The following COL24A1 variants were observed in gnomAD, a reference collection of about 807,000 sequenced individuals.
The protein encoded by COL24A1 is collagen type XXIV alpha 1 chain, also known as collagen alpha-1(XXIV) chain.
Under a neutral mutation model 253.9 loss-of-function variants are expected in COL24A1, and 224 were observed. That is an observed-to-expected ratio of 0.88 (90% CI 0.79 to 0.99). COL24A1 has a LOEUF of 0.99. COL24A1 is among the 50% of genes least tolerant of loss of function. The pLI is 0.00. For synonymous variants in COL24A1, 685 were observed against 673.7 expected, an observed-to-expected ratio of 1.02 and a Z score of -0.26; for missense variants, 2,131 against 2,068.5, an observed-to-expected ratio of 1.03 and a Z score of -0.59.
Position 85,802,020 on chromosome 1 carries a change from A to G in COL24A1, c.3951+14768T>C, listed in dbSNP as rs1351067664. 2.0e-5 allele frequency among the ~76,000 whole-genome samples: 3 copies of G among 152,262 alleles called. No homozygotes were observed. The East Asian group carries it at 5.8e-4, about 29-fold the overall frequency. On this transcript the variant is annotated intron_variant, in intron 47 of 59. Coordinates refer to ENST00000370571, the MANE Select transcript of COL24A1 (RefSeq NM_152890.7). ...CACCTCCTAAATAGTACCTAAATCC[A>G]TCCACTTCTTTCCATTTACACTTCA...
intron 52 of COL24A1, among the ~76,000 whole-genome samples, chr1:85,777,364 T>C (rs1668648702): frequency 6.6e-6 from 1 of 152,102 alleles, no homozygotes; most frequent in Non-Finnish European, 1.5e-5. Flanking sequence ...TAATCAAATA[T>C]TGACAAATAC....
chr1:85,804,708 C>T (rs1054134848), intron 47 of COL24A1, among the ~76,000 whole-genome samples: 1 of 152,114 alleles, frequency 6.6e-6, no homozygotes. Flanking sequence ...TGAGAAAGAC[C>T]CACTCCCACA....
At chr1:86,101,979 C>T (rs1010499045) in intron 5 of COL24A1, among the ~76,000 whole-genome samples, 1 of 151,304 alleles carries the variant, frequency 6.6e-6, no homozygotes, top group South Asian at 2.1e-4. Context: ...TTTTGTACAT[C>T]TAGTAGAATT....
intron 10 of COL24A1, among the ~76,000 whole-genome samples, chr1:86,057,098 G>A (rs950575681): frequency 3.9e-5 from 6 of 152,194 alleles, no homozygotes; most frequent in African/African-American, 1.4e-4. Flanking sequence ...TGACTGGATT[G>A]GGGGGCGGAT....
chr1:85,951,053 A>G (rs986971601), intron 24 of COL24A1, among the ~76,000 whole-genome samples: 21 of 152,210 alleles, frequency 1.4e-4, no homozygotes, highest in African/African-American at 5.1e-4. Flanking sequence ...ACTGCTTCAC[A>G]AGAATCTGTC....
Position 86,126,175 on chromosome 1 carries a change from T to C in COL24A1, c.161A>G (p.Asp54Gly). 8.7e-6 allele frequency: 14 copies of C among 1,605,496 alleles called. No homozygotes were observed. Among genetic ancestry groups the C allele is most frequent in the Non-Finnish European group, 1.1e-5 (13 of 1,179,332 alleles). The change falls in exon 3 of 60, where the codon GAC (aspartate) becomes GGC (glycine). Residue 54 changes from aspartate (D) to glycine (G), a missense_variant. Transcript: ENST00000370571. ...AGTCGCTGGTGATGAGTGTCTTACG[T>C]CTTTGCCTCCAAGGCCTAGTTGATG... ...ILHQLGLGGK[D>G]VRHSSPATAV...
intron 47 of COL24A1, among the ~76,000 whole-genome samples, chr1:85,788,207 C>T (rs1413242396): frequency 1.3e-5 from 2 of 152,146 alleles, no homozygotes; most frequent in African/African-American, 2.4e-5. Context: ...TCTCCTGCCT[C>T]AGCCTCCTGA....
At chr1:85,894,086 T>G (rs1683407308) in intron 31 of COL24A1, among the ~76,000 whole-genome samples, 1 of 152,234 alleles carries the variant, frequency 6.6e-6, no homozygotes. Context: ...AAGACTGTGC[T>G]GAAGGATCAA....
chr1:86,144,551 T>G (rs1272786557), intron 2 of COL24A1, among the ~76,000 whole-genome samples: 1 of 152,146 alleles, frequency 6.6e-6, no homozygotes, highest in Admixed American at 6.5e-5. Flanking sequence ...GCAGGTTCAT[T>G]ATGATGATTA....
intron 2 of COL24A1, among the ~76,000 whole-genome samples, chr1:86,126,899 G>T (rs1648391746): frequency 6.6e-6 from 1 of 152,092 alleles, no homozygotes; most frequent in Non-Finnish European, 1.5e-5. Flanking sequence ...TGAAATCTGT[G>T]TTAAAGTGAA....
At position 86,156,355 on chromosome 1, in the gene COL24A1, G is replaced by T. The variant is rs905257262; in HGVS notation, c.42C>A (p.Ser14=). Residue 14 remains serine (S), a synonymous_variant, in exon 1 of 60, where the codon TCC becomes TCA. Transcript: ENST00000370571. ...GGGCTACTTACGTTTTTGCCGTGGG[G>T]GAGACTTTTCCACGCCTTGTTCTGT... ...RAHRTRRGKV[S]PTAKTKSLLH... The T allele has an allele frequency of 1.2e-6, 2 of 1,612,606 alleles. No individual in the cohort carries two copies. The highest frequency in any genetic ancestry group is 1.3e-5 in the African/African-American group (1 of 74,832).
intron 22 of COL24A1, among the ~76,000 whole-genome samples, chr1:85,969,604 C>CAAAAAAAAAAAAA (rs61128567): frequency 7.3e-5 from 2 of 27,476 alleles, no homozygotes; most frequent in Admixed American, 8.8e-4. Context: ...GACTCTGTCT[C>CAAAAAAAAAAAAA]AAAAAAAAAA....
intron 1 of COL24A1, among the ~76,000 whole-genome samples, chr1:86,153,908 A>G (rs1653120302): frequency 6.6e-6 from 1 of 152,172 alleles, no homozygotes; most frequent in Non-Finnish European, 1.5e-5. Flanking sequence ...CTACAAATTC[A>G]CGTTAGGCAA....
intron 20 of COL24A1, among the ~76,000 whole-genome samples, chr1:85,979,340 A>T: frequency 6.6e-6 from 1 of 152,236 alleles, no homozygotes; most frequent in South Asian, 2.1e-4. Context: ...AATAATAAAG[A>T]TCAGAGCAGA....
At chr1:85,900,550 G>T (rs971379378) in intron 28 of COL24A1, among the ~76,000 whole-genome samples, 2 of 152,028 alleles carry the variant, frequency 1.3e-5, no homozygotes, top group Non-Finnish European at 2.9e-5. Flanking sequence ...GAGGCAGTGG[G>T]ATCATGTGAG....
chr1:86,024,956 A>G (rs998387246), intron 14 of COL24A1, among the ~76,000 whole-genome samples: 1 of 151,734 alleles, frequency 6.6e-6, no homozygotes, highest in African/African-American at 2.4e-5. Context: ...ATAATATCCT[A>G]TTTTACTTTT....
At chr1:86,100,793 T>A (rs545016145) in intron 5 of COL24A1, among the ~76,000 whole-genome samples, 1 of 152,234 alleles carries the variant, frequency 6.6e-6, no homozygotes, top group East Asian at 1.9e-4. Flanking sequence ...GAGCTTCTGT[T>A]GGTGAACATG....
At chr1:85,984,259 A>T (rs1241024421) in intron 20 of COL24A1, among the ~76,000 whole-genome samples, 1 of 151,866 alleles carries the variant, frequency 6.6e-6, no homozygotes, top group African/African-American at 2.4e-5. Context: ...TATGATATGC[A>T]CACTTAAAAA....
In COL24A1 at chr1:86,110,444, C is replaced by A. The variant is rs538213773; in HGVS notation, c.1599+2123G>T. ...GCTTTTGGCGCCTTCTTGGCCTCAG[C>A]GTCCACTCTGGCCGCGCTTGAGGAG... is the stretch of plus-strand genomic sequence containing the variant. On this transcript the variant is annotated intron_variant, in intron 5 of 59. Transcript: ENST00000370571. Among the ~76,000 whole-genome samples, 378 of 152,182 alleles carry A rather than the reference C, an allele frequency of 2.5e-3. 2 individuals carry two copies. The highest frequency in any genetic ancestry group is 8.5e-3 in the African/African-American group (354 of 41,534).
Sources: allele counts gnomAD v4.1 joint callset (sites outside exome capture counted in the v4.1 genomes callset), GRCh38; gene constraint gnomAD v4.1.1; transcripts MANE v1.5; gene names NCBI Gene and HGNC (gene_info 2026-07-23, HGNC 2026-07-21).